Variants in RTF1 observed in about 807,000 individuals in gnomAD.
The protein encoded by RTF1 is RTF1 homolog, Paf1/RNA polymerase II complex component.
In RTF1, 10 loss-of-function variants were observed where a neutral mutation model predicts 95.7. That is an observed-to-expected ratio of 0.10 (90% CI 0.06 to 0.18). The LOEUF is 0.18. RTF1 is among the 10% of genes least tolerant of loss of function. The pLI is 1.00. For synonymous variants in RTF1, 305 were observed against 311.8 expected, an observed-to-expected ratio of 0.98 and a Z score of 0.23; for missense variants, 458 against 875.6, an observed-to-expected ratio of 0.52 and a Z score of 6.02.
At chr15:41,474,421 C>A (rs974918812) in intron 8 of RTF1, among the ~76,000 whole-genome samples, 199 bp from the exon 9 acceptor site, 1 of 152,202 alleles carries the variant, frequency 6.6e-6, no homozygotes, top group Non-Finnish European at 1.5e-5. Flanking sequence ...GCACTTTCTC[C>A]TCCTGGGCAC....
intron 1 of RTF1, among the ~76,000 whole-genome samples, chr15:41,434,561 C>A (rs2050692181): frequency 6.6e-6 from 1 of 151,316 alleles, no homozygotes; most frequent in Non-Finnish European, 1.5e-5. Context: ...GATGATGGAA[C>A]TGTAGAGTGT....
intron 14 of RTF1, 55 bp from the exon 15 acceptor site, chr15:41,478,493 T>G: frequency 7.7e-7 from 1 of 1,303,216 alleles, no homozygotes. Context: ...GAGCTTATGG[T>G]GAATGAGAGG....
chr15:41,464,417 T>A (rs2050869858), intron 4 of RTF1, among the ~76,000 whole-genome samples: 1 of 151,606 alleles, frequency 6.6e-6, no homozygotes, highest in African/African-American at 2.4e-5. Flanking sequence ...CCCAGCTAAT[T>A]TTTGTATTTT....
chr15:41,419,183 T>C (rs1197152533), intron 1 of RTF1, among the ~76,000 whole-genome samples: 1 of 152,226 alleles, frequency 6.6e-6, no homozygotes, highest in Non-Finnish European at 1.5e-5. Context: ...AATTTTAGAC[T>C]GGCAATTAGA....
chr15:41,471,959 C>T (rs1021074587), intron 8 of RTF1, among the ~76,000 whole-genome samples: 5 of 152,134 alleles, frequency 3.3e-5, no homozygotes, highest in African/African-American at 1.2e-4. Flanking sequence ...AGTGCAATGG[C>T]GTGGTCTTGG....
chr15:41,435,639 G>A (rs2050697949), intron 1 of RTF1, among the ~76,000 whole-genome samples: 1 of 152,158 alleles, frequency 6.6e-6, no homozygotes, highest in Admixed American at 6.5e-5. Flanking sequence ...AACATTTTAT[G>A]AGTGTTTATC....
chr15:41,461,856 C>T (rs1017282106), intron 4 of RTF1, among the ~76,000 whole-genome samples: 5 of 150,294 alleles, frequency 3.3e-5, no homozygotes, highest in East Asian at 2.0e-4. Context: ...CCACCCACCT[C>T]GGCTTTCCAA....
intron 3 of RTF1, among the ~76,000 whole-genome samples, chr15:41,454,224 G>A (rs1390731781): frequency 6.6e-6 from 1 of 151,838 alleles, no homozygotes; most frequent in African/African-American, 2.4e-5. Flanking sequence ...CAAGCAGCTG[G>A]GATTACAGAT....
chr15:41,450,909 C>G (rs1053341076), intron 2 of RTF1, among the ~76,000 whole-genome samples: 6 of 152,202 alleles, frequency 3.9e-5, no homozygotes, highest in Admixed American at 3.9e-4. Flanking sequence ...TATCATCCTG[C>G]TGCCCTGCAC....
At chr15:41,448,931 C>T (rs1386321422) in intron 2 of RTF1, 1 of 151,862 alleles carries the variant, frequency 6.6e-6, no homozygotes, top group Non-Finnish European at 1.5e-5. Context: ...GTCACCCAGG[C>T]TGGAGTTCAG....
chr15:41,477,293 T>A lies in RTF1; in HGVS notation c.1682+7T>A, dbSNP rs1566850202. ...AGAACATATCCGCTATCAGGTGTGT[T>A]ATGGAGCCTATTTTTGGCCCGCAGA... On this transcript the variant is annotated splice_region_variant and intron_variant, in intron 13 of 17. Transcript: ENST00000389629. 4 of 1,614,204 alleles carry A rather than the reference T, an allele frequency of 2.5e-6. No individual in the cohort carries two copies. Among genetic ancestry groups the A allele is most frequent in the Non-Finnish European group, 3.4e-6 (4 of 1,180,028 alleles).
At chr15:41,463,296 C>T (rs984064821) in intron 4 of RTF1, among the ~76,000 whole-genome samples, 5 of 152,102 alleles carry the variant, frequency 3.3e-5, no homozygotes, top group Admixed American at 6.6e-5. Context: ...CGTTTATATA[C>T]AACAATTTGA....
intron 1 of RTF1, among the ~76,000 whole-genome samples, chr15:41,420,172 A>G (rs916660360): frequency 6.6e-6 from 1 of 152,212 alleles, no homozygotes; most frequent in Non-Finnish European, 1.5e-5. Flanking sequence ...AAAGGAAATT[A>G]ACATAAAATG....
chr15:41,438,837 G>C (rs1457348723), intron 2 of RTF1, among the ~76,000 whole-genome samples: 1 of 151,494 alleles, frequency 6.6e-6, no homozygotes, highest in African/African-American at 2.4e-5. Flanking sequence ...CTGCAGCCTG[G>C]GTGACAAAGC....
At chr15:41,448,857 T>A (rs1290180139) in intron 2 of RTF1, 1 of 152,042 alleles carries the variant, frequency 6.6e-6, no homozygotes, top group Non-Finnish European at 1.5e-5. Context: ...ATTATTTTTT[T>A]AAAATTAATT....
intron 5 of RTF1, 92 bp from the exon 6 acceptor site, chr15:41,466,049 T>A: frequency 1.3e-6 from 1 of 773,288 alleles, no homozygotes; most frequent in East Asian, 3.1e-5. Context: ...CCATATAGAT[T>A]GATGTTGGAG....
intron 1 of RTF1, among the ~76,000 whole-genome samples, chr15:41,434,834 G>A (rs1035746900): frequency 2.0e-5 from 3 of 151,766 alleles, no homozygotes; most frequent in Non-Finnish European, 4.4e-5. Context: ...TCACTATGTT[G>A]GCCAGGATGG....
At chr15:41,457,402 A>G (rs1359199397) in intron 3 of RTF1, among the ~76,000 whole-genome samples, 1 of 151,746 alleles carries the variant, frequency 6.6e-6, no homozygotes, top group Non-Finnish European at 1.5e-5. Context: ...GTGTGGTGGC[A>G]CACATCTGTA....
intron 2 of RTF1, chr15:41,448,736 A>G (rs2050775486): frequency 6.6e-6 from 1 of 152,012 alleles, no homozygotes; most frequent in South Asian, 2.1e-4. Flanking sequence ...AAAACAAAAC[A>G]AAACAAAAAA....
Sources: allele counts gnomAD v4.1 joint callset (sites outside exome capture counted in the v4.1 genomes callset), GRCh38; gene constraint gnomAD v4.1.1; transcripts MANE v1.5; gene names NCBI Gene and HGNC (gene_info 2026-07-23, HGNC 2026-07-21).